The following DDX46 variants were observed in gnomAD, a reference collection of about 807,000 sequenced individuals.
The protein encoded by DDX46 is DEAD-box helicase 46.
A neutral mutation model predicts 134.9 loss-of-function variants in DDX46; 30 were observed. The ratio of observed to expected loss-of-function variants is 0.22; its 90% confidence interval spans 0.17 to 0.30. The LOEUF is 0.30. Ranked by LOEUF, DDX46 falls within the 10% of genes least tolerant of loss-of-function variation. The probability of loss-of-function intolerance (pLI) is 1.00; values close to 1 mark genes in which losing one functional copy is unlikely to be tolerated. For missense variants in DDX46, 622 were observed against 1,248.7 expected, an observed-to-expected ratio of 0.50 and a Z score of 7.56; for synonymous variants, 415 against 404.1, an observed-to-expected ratio of 1.03 and a Z score of -0.32.
In DDX46 at chr5:134,758,929, G is replaced by C. The variant is rs61750937; in HGVS notation, c.-10G>C. ...TACTCAAGGGCACCAGTATTCCCGCGGTCGGCAGCATGGGTCGGGAGTCAC... is the reference window on the plus strand; with the variant it reads ...TACTCAAGGGCACCAGTATTCCCGCCGTCGGCAGCATGGGTCGGGAGTCAC... On this transcript the variant is annotated 5_prime_UTR_variant, in exon 1 of 23. Coordinates refer to ENST00000452510, the MANE Select transcript of DDX46 (RefSeq NM_001300860.2). 5 of 1,613,204 alleles carry C rather than the reference G, an allele frequency of 3.1e-6. No homozygotes were observed. The African/African-American group carries it at 4.0e-5, about 13-fold the overall frequency.
At chr5:134,777,150 G>A (rs202127451) in intron 5 of DDX46, among the ~76,000 whole-genome samples, 7 of 151,712 alleles carry the variant, frequency 4.6e-5, no homozygotes, top group African/African-American at 7.3e-5. Context: ...CCTGGGAGGC[G>A]GAGCTTGCAG....
At chr5:134,791,866 G>A (rs1754513133) in intron 13 of DDX46, among the ~76,000 whole-genome samples, 1 of 152,172 alleles carries the variant, frequency 6.6e-6, no homozygotes, top group Admixed American at 6.5e-5. Flanking sequence ...TGAACCATAT[G>A]CGAAACAGTT....
chr5:134,770,881 G>T (rs1421581339), intron 3 of DDX46, 22 bp from the exon 4 acceptor site: 4 of 1,540,878 alleles, frequency 2.6e-6, no homozygotes, highest in Non-Finnish European at 3.5e-6. Flanking sequence ...CATTTCTCTT[G>T]TCTCTTTTAT....
Position 134,830,531 on chromosome 5 carries a change from G to A in DDX46, c.*1825G>A, listed in dbSNP as rs1210548974. On this transcript the variant is annotated 3_prime_UTR_variant, in exon 23 of 23. Coordinates refer to ENST00000452510, the MANE Select transcript of DDX46 (RefSeq NM_001300860.2). ...AATAAATAAATAAAAGCATACTATAGTTGTAAAAACAAATAATTTTAATAG... is the reference window on the plus strand; with the variant it reads ...AATAAATAAATAAAAGCATACTATAATTGTAAAAACAAATAATTTTAATAG... 2 of 152,140 alleles carry A rather than the reference G, an allele frequency of 1.3e-5. No homozygotes were observed. Among genetic ancestry groups the A allele is most frequent in the African/African-American group, 2.4e-5 (1 of 41,426 alleles). The allele number at this position is 152,140 out of a possible 1,614,324, so 9.4% of individuals were successfully genotyped here.
At chr5:134,818,743 A>T in intron 20 of DDX46, 117 bp from the exon 21 acceptor site, 4 of 667,182 alleles carry the variant, frequency 6.0e-6, no homozygotes, top group Non-Finnish European at 9.3e-6. Context: ...ATGGAGAGAG[A>T]GAGAGAGAGA....
chr5:134,760,521 A>T (rs756455026), intron 1 of DDX46, among the ~76,000 whole-genome samples: 9 of 152,206 alleles, frequency 5.9e-5, no homozygotes, highest in Non-Finnish European at 1.2e-4. Flanking sequence ...GAAGATTTTG[A>T]GTAAAAAGTG....
At chr5:134,764,159 T>C in intron 2 of DDX46, 67 bp downstream of exon 2, 1 of 1,477,110 alleles carries the variant, frequency 6.8e-7, no homozygotes, top group Non-Finnish European at 9.1e-7. Flanking sequence ...AGCAGGCTTC[T>C]TGAAAAGTAT....
chr5:134,779,556 C>T (rs1754067251), intron 6 of DDX46, among the ~76,000 whole-genome samples: 1 of 152,050 alleles, frequency 6.6e-6, no homozygotes, highest in African/African-American at 2.4e-5. Flanking sequence ...GTTACCCAGG[C>T]TGGAGTGCAG....
At chr5:134,805,532 CTT>C (rs554379717) in intron 15 of DDX46, among the ~76,000 whole-genome samples, 12 of 137,842 alleles carry the variant, frequency 8.7e-5, no homozygotes, top group South Asian at 2.3e-4. Flanking sequence ...CTTTTCTTTT[CTT>C]TTTTTTTTTT....
Position 134,830,495 on chromosome 5 carries a change from TAC to T in DDX46, c.*1791_*1792del, listed in dbSNP as rs1243131760. 6.6e-6 allele frequency: 1 copy of T among 152,162 alleles called. No homozygotes were observed. The highest frequency in any genetic ancestry group is 2.4e-5 in the African/African-American group (1 of 41,444). 9.4% of individuals were successfully genotyped at this position (152,162 alleles called of 1,614,324 possible). On this transcript the variant is annotated 3_prime_UTR_variant, in exon 23 of 23. Transcript: ENST00000452510. ...TTTCATTCTTTAAATATTATTGACT[TAC>T]AGTTTAAAAATAAATAAATAAAAGC... is the stretch of plus-strand genomic sequence containing the variant.
chr5:134,761,150 C>T (rs908865664), intron 1 of DDX46, among the ~76,000 whole-genome samples: 16 of 152,144 alleles, frequency 1.1e-4, no homozygotes, highest in Non-Finnish European at 2.1e-4. Context: ...CTCAGCCTCC[C>T]GAATAGCTGG....
At chr5:134,816,702 C>A in intron 19 of DDX46, 96 bp downstream of exon 19, 2 of 1,213,146 alleles carry the variant, frequency 1.6e-6, no homozygotes, top group Non-Finnish European at 2.3e-6. Context: ...ACAAGTTGTC[C>A]TAGACATTGA....
intron 8 of DDX46, among the ~76,000 whole-genome samples, chr5:134,782,399 T>G (rs1754180884): frequency 6.6e-6 from 1 of 152,046 alleles, no homozygotes; most frequent in Non-Finnish European, 1.5e-5. Flanking sequence ...CCTAGCACTT[T>G]GGGAGGCCAA....
At chr5:134,779,158 A>G (rs183706119) in intron 6 of DDX46, among the ~76,000 whole-genome samples, 41 of 152,128 alleles carry the variant, frequency 2.7e-4, no homozygotes, top group African/African-American at 6.5e-4. Flanking sequence ...TGGCCTCCCA[A>G]CGTGCTGGGA....
At position 134,788,561 on chromosome 5, in the gene DDX46, C is replaced by A; in HGVS notation, c.1513C>A (p.Arg505=). The A allele has an allele frequency of 1.9e-6, 3 of 1,613,838 alleles. No individual in the cohort carries two copies. The highest frequency in any genetic ancestry group is 2.5e-6 in the Non-Finnish European group (3 of 1,179,934). Residue 505 remains arginine (R), a synonymous_variant, in exon 12 of 23, where the codon CGA becomes AGA. Coordinates refer to ENST00000452510, the MANE Select transcript of DDX46 (RefSeq NM_001300860.2). ...GAEIIVCTPG[R]MIDMLAANSG... ...TGAAATTATTGTTTGCACACCTGGT[C>A]GAATGATTGACATGTTAGCCGCTAA...
At chr5:134,790,639 A>C in intron 13 of DDX46, 87 bp downstream of exon 13, 5 of 1,110,372 alleles carry the variant, frequency 4.5e-6, no homozygotes, top group Non-Finnish European at 6.6e-6. Context: ...GGTTTCTGAA[A>C]TTCACACACA....
chr5:134,784,234 A>G, intron 9 of DDX46, 132 bp from the exon 10 acceptor site: 2 of 851,652 alleles, frequency 2.3e-6, no homozygotes, highest in Middle Eastern at 2.5e-4. Flanking sequence ...ATTCCTTTTT[A>G]TTGCCAAATA....
intron 3 of DDX46, among the ~76,000 whole-genome samples, 188 bp downstream of exon 3, chr5:134,767,248 G>A (rs554892253): frequency 1.3e-5 from 2 of 152,088 alleles, no homozygotes; most frequent in East Asian, 3.9e-4. Context: ...GAAAATAATA[G>A]ATTCTGTCAG....
chr5:134,783,039 C>T lies in DDX46; in HGVS notation c.1140C>T (p.Ser380=). The stretch of plus-strand genomic sequence containing the variant: ...AATCCTGGGTCCAGTGTGGAATTTC[C>T]ATGAAGATCTTAAATTCCCTCAAGA... The part of the protein sequence containing the change: ...PIKSWVQCGI[S]MKILNSLKKH... Residue 380 remains serine (S), a synonymous_variant, in exon 9 of 23, where the codon TCC becomes TCT. Coordinates refer to ENST00000452510, the MANE Select transcript of DDX46 (RefSeq NM_001300860.2). 6.2e-7 allele frequency: 1 copy of T among 1,613,388 alleles called. No individual in the cohort carries two copies. Among genetic ancestry groups the T allele is most frequent in the Non-Finnish European group, 8.5e-7 (1 of 1,179,586 alleles).
Sources: gnomAD v4.1 joint callset for allele counts (sites outside exome capture counted in the v4.1 genomes callset) on GRCh38, gnomAD v4.1.1 for gene constraint, MANE v1.5 for transcripts, NCBI Gene and HGNC (gene_info 2026-07-23, HGNC 2026-07-21) for gene names.